IGF2R: variants seen among roughly 807,000 people sequenced by gnomAD.
IGF2R encodes the protein cation-independent mannose-6-phosphate receptor.
In IGF2R, 91 loss-of-function variants were observed where a neutral mutation model predicts 270.6. The ratio of observed to expected loss-of-function variants is 0.34; its 90% CI spans 0.28 to 0.40. The LOEUF (loss-of-function observed/expected upper bound fraction) is 0.40. Ranked by LOEUF, IGF2R falls within the 10% of genes least tolerant of loss-of-function variation. The pLI is 1.00. For missense variants in IGF2R, 2,805 were observed against 3,188.3 expected, an observed-to-expected ratio of 0.88 and a Z score of 2.90; for synonymous variants, 1,316 against 1,258.9, an observed-to-expected ratio of 1.05 and a Z score of -0.96.
intron 36 of IGF2R, among the ~76,000 whole-genome samples, chr6:160,077,106 T>G (rs1778869766): frequency 6.6e-6 from 1 of 152,168 alleles, no homozygotes; most frequent in Admixed American, 6.5e-5. Context: ...ACAGTCCTGC[T>G]GTTTGGGGCT....
intron 10 of IGF2R, 103 bp from the exon 11 acceptor site, chr6:160,040,457 G>C: frequency 1.1e-6 from 1 of 915,972 alleles, no homozygotes; most frequent in South Asian, 1.7e-5. Context: ...ATTTTTTAAC[G>C]GAGCAGTTGG....
chr6:160,066,141 A>T (rs928280711), intron 29 of IGF2R, among the ~76,000 whole-genome samples: 1 of 151,042 alleles, frequency 6.6e-6, no homozygotes, highest in Non-Finnish European at 1.5e-5. Context: ...CAGCCTCCCG[A>T]GTAGCTGGGA....
rs372662874 is a variant in IGF2R at position 159,998,492 on chromosome 6, TGGAAGGTGTTTTTA to T, written c.289+7175_289+7188del. Among the ~76,000 whole-genome samples, 92 of 152,258 alleles carry T rather than the reference TGGAAGGTGTTTTTA, an allele frequency of 6.0e-4. No homozygotes were observed. Among genetic ancestry groups the T allele is most frequent in the African/African-American group, 2.2e-3 (90 of 41,560 alleles). ...TGATGGTAACGGGGAGGTGATGTGA[TGGAAGGTGTTTTTA>T]GGAAGCTGGCCCCGTGGAATAGGAA... On this transcript the variant is annotated intron_variant, in intron 2 of 47. Transcript: ENST00000356956. This position sits in a 1 kb window ranked among gnomAD's most constrained non-coding sequence, Gnocchi z 4.1.
intron 15 of IGF2R, 34 bp from the exon 16 acceptor site, chr6:160,047,125 G>T: frequency 6.2e-7 from 1 of 1,608,050 alleles, no homozygotes; most frequent in Non-Finnish European, 8.5e-7. Flanking sequence ...CTGCCCCTCA[G>T]GTCTTTGCTG....
chr6:160,001,974 A>G (rs983784632), intron 2 of IGF2R, among the ~76,000 whole-genome samples: 6 of 152,240 alleles, frequency 3.9e-5, no homozygotes, highest in African/African-American at 9.7e-5. Context: ...CTTAGCTGCT[A>G]ATAGCCTGCT....
rs541396719 is a variant in IGF2R, at chr6:160,106,377, A to C, written c.*1293A>C. ...AATTGTATATAGACTCTGGTGTTCTATTGCTGAGAAGCAAACCGCCCTGCA... is the reference window on the plus strand; with the variant it reads ...AATTGTATATAGACTCTGGTGTTCTCTTGCTGAGAAGCAAACCGCCCTGCA... On this transcript the variant is annotated 3_prime_UTR_variant, in exon 48 of 48. Coordinates refer to ENST00000356956, the MANE Select transcript of IGF2R (RefSeq NM_000876.4). The C allele has an allele frequency of 6.6e-6, 1 of 152,586 alleles. No homozygotes were observed. Among genetic ancestry groups the C allele is most frequent in the Non-Finnish European group, 1.5e-5 (1 of 68,030 alleles). 9.5% of individuals were successfully genotyped at this position (152,586 alleles called of 1,614,324 possible).
At chr6:160,023,374 T>C (rs1260240833) in intron 4 of IGF2R, among the ~76,000 whole-genome samples, 2 of 152,124 alleles carry the variant, frequency 1.3e-5, no homozygotes, top group African/African-American at 4.8e-5. Context: ...TGAGGAACAC[T>C]GGGGTAACAG....
intron 38 of IGF2R, 89 bp downstream of exon 38, chr6:160,079,876 C>T (rs569176519): frequency 8.3e-7 from 1 of 1,209,460 alleles, no homozygotes; most frequent in East Asian, 2.5e-5. Context: ...CGGAGTGGAG[C>T]TCCACGGTCC....
chr6:160,065,814 G>GTGTGTGTGTATATATATATATATA, intron 29 of IGF2R, among the ~76,000 whole-genome samples: 21 of 78,358 alleles, frequency 2.7e-4, no homozygotes, highest in Admixed American at 3.3e-4. Context: ...GTGTGTGTGT[G>GTGTGTGTGTATATATATATATATA]TATATATATA....
At chr6:160,057,658 G>A (rs1028491351) in intron 20 of IGF2R, among the ~76,000 whole-genome samples, 2 of 152,222 alleles carry the variant, frequency 1.3e-5, no homozygotes, top group Non-Finnish European at 2.9e-5. Context: ...GGGAATAATT[G>A]AGACAGAAAA....
At chr6:160,067,385 C>A (rs75786396) in intron 29 of IGF2R, among the ~76,000 whole-genome samples, 2 of 151,966 alleles carry the variant, frequency 1.3e-5, no homozygotes, top group Non-Finnish European at 1.5e-5. Flanking sequence ...ACTTCATATC[C>A]CCCTTATCTG....
chr6:160,055,546 G>A (rs964285628), intron 19 of IGF2R, among the ~76,000 whole-genome samples: 2 of 151,982 alleles, frequency 1.3e-5, no homozygotes, highest in Non-Finnish European at 2.9e-5. Flanking sequence ...GAGCAGGTGT[G>A]TTTTTATTCT....
intron 31 of IGF2R, 129 bp downstream of exon 31, chr6:160,070,187 C>CCTCTGGTAAGGGCG: frequency 2.2e-6 from 2 of 896,322 alleles, no homozygotes; most frequent in Non-Finnish European, 1.7e-6. Flanking sequence ...TGCGCCCTTA[C>CCTCTGGTAAGGGCG]CAGAGGTTGG....
Position 160,089,212 on chromosome 6 carries a change from T to C in IGF2R, c.6426T>C (p.Pro2142=). The change falls in exon 43 of 48, where the codon CCT becomes CCC. Residue 2142 remains proline, a synonymous_variant. Transcript: ENST00000356956. ...TGGTGAATGGGACCATCACCAACCC[T>C]ATAAATGGCAAGAGCTTCAGCCTCG... ...VQMVNGTITN[P]INGKSFSLGD... The C allele has an allele frequency of 6.2e-7, 1 of 1,612,572 alleles. No individual in the cohort carries two copies. The highest frequency in any genetic ancestry group is 8.5e-7 in the Non-Finnish European group (1 of 1,178,856).
chr6:160,083,198 TA>T (rs1251584323), intron 39 of IGF2R, among the ~76,000 whole-genome samples: 1 of 152,228 alleles, frequency 6.6e-6, no homozygotes, highest in East Asian at 1.9e-4. Context: ...ATCTATATCA[TA>T]ATTAAGTTTA....
intron 11 of IGF2R, among the ~76,000 whole-genome samples, chr6:160,042,481 G>A (rs959122863): frequency 2.6e-5 from 4 of 152,160 alleles, no homozygotes; most frequent in African/African-American, 4.8e-5. Context: ...ACTGTTCGCC[G>A]TGTGGTTTGC....
At chr6:160,072,730 G>A (rs749686409) in intron 32 of IGF2R, 35 bp from the exon 33 acceptor site, 1 of 1,613,796 alleles carries the variant, frequency 6.2e-7, no homozygotes, top group Non-Finnish European at 8.5e-7. Context: ...CAGCTCCCTG[G>A]AGTCACTGTG....
chr6:160,030,286 G>T (rs1777666743), intron 7 of IGF2R, among the ~76,000 whole-genome samples: 1 of 152,194 alleles, frequency 6.6e-6, no homozygotes, highest in Admixed American at 6.5e-5. Flanking sequence ...AGGGAGGGAG[G>T]GGTAGGGCAG....
chr6:160,055,355 A>G (rs1026102094), intron 19 of IGF2R, among the ~76,000 whole-genome samples: 1 of 152,202 alleles, frequency 6.6e-6, no homozygotes, highest in African/African-American at 2.4e-5. Context: ...CTGTGATACC[A>G]TATTTAGTTT....
Sources: gnomAD v4.1 joint callset for allele counts (sites outside exome capture counted in the v4.1 genomes callset) on GRCh38, gnomAD v4.1.1 for gene constraint, Gnocchi (gnomAD v3.1) non-coding constraint, MANE v1.5 for transcripts, NCBI Gene and HGNC (gene_info 2026-07-23, HGNC 2026-07-21) for gene names.